The following DYNC1H1 variants were observed in gnomAD, a reference collection of about 807,000 sequenced individuals.
DYNC1H1 encodes dynein cytoplasmic 1 heavy chain 1.
Under a neutral mutation model 527.1 loss-of-function variants are expected in DYNC1H1, and 51 were observed. That is an observed-to-expected ratio of 0.10 (90% CI 0.08 to 0.12). The LOEUF is 0.12. Ranked by LOEUF, DYNC1H1 falls within the 10% of genes least tolerant of loss-of-function variation. DYNC1H1 has a pLI of 1.00. For synonymous variants in DYNC1H1, 2,189 were observed against 2,278.8 expected (o/e 0.96, Z 1.12); for missense variants, 2,771 against 5,971.8 (o/e 0.46, Z 17.66).
In DYNC1H1 at chr14:102,042,952, C is replaced by T. The variant is rs940029581; in HGVS notation, c.12513+204C>T. The T allele has an allele frequency of 2.4e-5, 15 of 634,848 alleles. No individual in the cohort carries two copies. The highest frequency in any genetic ancestry group is 4.2e-4 in the Middle Eastern group (1 of 2,386). 39.3% of individuals were successfully genotyped at this position (634,848 alleles called of 1,614,324 possible). A position where few individuals can be genotyped will look rare whatever the true frequency, so the allele number is the denominator to read the frequency against. ...TGGTAATCCTAGCACTTTGGAAGGT[C>T]GAGGTGGGAGGATCACTTGAGCCCA... is the stretch of plus-strand genomic sequence containing the variant. On this transcript the variant is annotated intron_variant, in intron 69 of 77. Transcript: ENST00000360184. This position sits in a 1 kb window ranked among gnomAD's most constrained non-coding sequence, Gnocchi z 5.7.
intron 74 of DYNC1H1, 148 bp downstream of exon 74, chr14:102,048,817 G>T: frequency 2.5e-6 from 1 of 400,196 alleles, no homozygotes; most frequent in Non-Finnish European, 4.6e-6. Flanking sequence ...CCTCAAGGTG[G>T]GCGGGGGGAG....
At position 102,042,379 on chromosome 14, in the gene DYNC1H1, T is replaced by C. The variant is rs1555412076; in HGVS notation, c.12276-5T>C. ...TGCTGTGTGACTCTCACTTTGTGTG[T>C]GCAGGTGGGTGATGCTGAAGAATGT... is the stretch of plus-strand genomic sequence containing the variant. On this transcript the variant is annotated splice_region_variant and splice_polypyrimidine_tract_variant and intron_variant, in intron 67 of 77. Transcript: ENST00000360184. The surrounding 1 kb of genome is among the most constrained non-coding windows in gnomAD (Gnocchi z 5.7). The C allele has an allele frequency of 6.2e-7, 1 of 1,614,178 alleles. No individual in the cohort carries two copies. The highest frequency in any genetic ancestry group is 8.5e-7 in the Non-Finnish European group (1 of 1,180,036).
chr14:101,977,619 C>T (rs1413716556), intron 2 of DYNC1H1, among the ~76,000 whole-genome samples: 2 of 152,174 alleles, frequency 1.3e-5, no homozygotes, highest in Admixed American at 6.5e-5. Context: ...TAATTTTCCC[C>T]TAATTCAGAG....
intron 1 of DYNC1H1, 62 bp from the exon 2 acceptor site, chr14:101,975,650 A>G: frequency 1.4e-6 from 2 of 1,435,924 alleles, no homozygotes; most frequent in Non-Finnish European, 2.0e-6. Flanking sequence ...TTGTCTAAGC[A>G]GTTGATAAAT....
At position 101,986,589 on chromosome 14, in the gene DYNC1H1, T is replaced by C. The variant is rs1385501057; in HGVS notation, c.2364T>C (p.Tyr788=). 5.6e-6 allele frequency: 9 copies of C among 1,613,640 alleles called. No individual in the cohort carries two copies. The South Asian group carries it at 6.6e-5, about 12-fold the overall frequency. Residue 788 remains tyrosine (Y), a synonymous_variant, in exon 8 of 78, where the codon TAT becomes TAC. Transcript: ENST00000360184. This position sits in a 1 kb window ranked among gnomAD's most constrained non-coding sequence, Gnocchi z 8.7. The part of the protein sequence containing the change: ...AISLIESVRT[Y]ERTCEKVEER... ...CACTGATCGAGAGCGTTCGTACCTA[T>C]GAACGGACCTGCGAGAAGGTGGAGG...
In DYNC1H1 at chr14:101,975,804, G is replaced by A; in HGVS notation, c.344+5G>A. 6.3e-7 allele frequency: 1 copy of A among 1,593,328 alleles called. No homozygotes were observed. The highest frequency in any genetic ancestry group is 8.6e-7 in the Non-Finnish European group (1 of 1,161,406). On this transcript the variant is annotated splice_donor_5th_base_variant and intron_variant, in intron 2 of 77. Coordinates refer to ENST00000360184, the MANE Select transcript of DYNC1H1 (RefSeq NM_001376.5). ...TTATGGGGTTAAATCCAATAGGTGA[G>A]TAGTACAAATATTACCATTATCTCA...
chr14:102,040,962 G>A, intron 64 of DYNC1H1: 1 of 506,510 alleles, frequency 2.0e-6, no homozygotes. Context: ...GTCTGTGAAT[G>A]AATGGTCACT....
Position 101,983,279 on chromosome 14 carries a change from G to A in DYNC1H1, c.1222G>A (p.Glu408Lys). The A allele has an allele frequency of 6.2e-7, 1 of 1,614,140 alleles. No homozygotes were observed. The highest frequency in any genetic ancestry group is 8.5e-7 in the Non-Finnish European group (1 of 1,180,032). Residue 408 changes from glutamate to lysine, a missense_variant, in exon 6 of 78, where the codon GAA becomes AAA. Physicochemically the swap from Glu to Lys is moderately conservative, Grantham distance 56 (BLOSUM62 1). This residue lies in a region of DYNC1H1 where 264 missense variants were observed against 619.4 expected (regional missense o/e 0.43). Coordinates refer to ENST00000360184, the MANE Select transcript of DYNC1H1 (RefSeq NM_001376.5). This position sits in a 1 kb window ranked among gnomAD's most constrained non-coding sequence, Gnocchi z 5.3. ...TRKLMHVAYE[E>K]FEKVMVACFE... ...GAAATTGATGCATGTTGCTTATGAA[G>A]AATTTGAAAAAGTAAGTTTGAATAT...
Position 101,995,264 on chromosome 14 carries a change from G to A in DYNC1H1, c.3528G>A (p.Leu1176=), listed in dbSNP as rs1389309414. ...CCTTCATCACCTATGTGCAGTCTTT[G>A]AAACGGAAGATCAAGCAGTTTGAGA... The part of the protein sequence containing the change: ...AVTFITYVQS[L]KRKIKQFEKQ... The change falls in exon 15 of 78, where the codon TTG becomes TTA. Residue 1176 remains leucine, a synonymous_variant. Transcript: ENST00000360184. 3.7e-6 allele frequency: 6 copies of A among 1,614,208 alleles called. No homozygotes were observed. The highest frequency in any genetic ancestry group is 5.1e-6 in the Non-Finnish European group (6 of 1,180,046).
chr14:101,984,332 T>A (rs1308835380), intron 7 of DYNC1H1, among the ~76,000 whole-genome samples: 2 of 151,238 alleles, frequency 1.3e-5, no homozygotes, highest in Non-Finnish European at 2.9e-5. Context: ...CTTAACTACT[T>A]CTTTCTGTTG....
rs893766699 is a variant in DYNC1H1, at chr14:102,001,122, C to A, written c.4186-23C>A. ...CCATTAGAAACGCACCTGCACAGAT[C>A]ACTTTGTTTACTTTCTCCACAGATA... is the stretch of plus-strand genomic sequence containing the variant. On this transcript the variant is annotated intron_variant, in intron 19 of 77. Transcript: ENST00000360184. This position sits in a 1 kb window ranked among gnomAD's most constrained non-coding sequence, Gnocchi z 5.0. 9.3e-6 allele frequency: 15 copies of A among 1,614,152 alleles called. No individual in the cohort carries two copies. Among genetic ancestry groups the A allele is most frequent in the Admixed American group, 1.7e-5 (1 of 60,014 alleles).
In DYNC1H1 at chr14:102,017,591, A is replaced by G. The variant is rs2048338023; in HGVS notation, c.8177+87A>G. 6.2e-7 allele frequency: 1 copy of G among 1,607,764 alleles called. No homozygotes were observed. Among genetic ancestry groups the G allele is most frequent in the South Asian group, 1.1e-5 (1 of 90,722 alleles). On this transcript the variant is annotated intron_variant, in intron 40 of 77. Transcript: ENST00000360184. The surrounding 1 kb of genome is among the most constrained non-coding windows in gnomAD (Gnocchi z 4.6). ...ACAGCGCCACAAAAACCTGGTTTTGATAATAAAGACAACAATACTGCTTAT... is the reference window on the plus strand; with the variant it reads ...ACAGCGCCACAAAAACCTGGTTTTGGTAATAAAGACAACAATACTGCTTAT...
chr14:101,973,790 C>CAAG (rs2047767592), intron 1 of DYNC1H1, among the ~76,000 whole-genome samples: 1 of 152,092 alleles, frequency 6.6e-6, no homozygotes, highest in Admixed American at 6.6e-5. Context: ...GGCGGCAGAG[C>CAAG]AAGACATTGT....
rs528972169 is a variant in DYNC1H1, at chr14:101,986,487, A to G, written c.2262A>G (p.Lys754=). The change falls in exon 8 of 78, where the codon AAA becomes AAG. Residue 754 remains lysine (K), a synonymous_variant. Transcript: ENST00000360184. This position sits in a 1 kb window ranked among gnomAD's most constrained non-coding sequence, Gnocchi z 8.7. Reference sequence around the variant, plus strand: ...TATCCAAAGAAGTCCGGAACCTCAAATGGCTTGGTTTCCGCGTCCCACTGG... The same window carrying G: ...TATCCAAAGAAGTCCGGAACCTCAAGTGGCTTGGTTTCCGCGTCCCACTGG... ...ITLSKEVRNL[K]WLGFRVPLAI... 5.0e-6 allele frequency: 8 copies of G among 1,614,012 alleles called. No individual in the cohort carries two copies. Among genetic ancestry groups the G allele is most frequent in the African/African-American group, 2.7e-5 (2 of 74,888 alleles).
chr14:102,020,040 C>T lies in DYNC1H1; in HGVS notation c.8491C>T (p.Arg2831Cys). 2 of 1,614,194 alleles carry T rather than the reference C, an allele frequency of 1.2e-6. No homozygotes were observed. Among genetic ancestry groups the T allele is most frequent in the Non-Finnish European group, 1.7e-6 (2 of 1,180,026 alleles). ...TCGGATTTGGGCACATGAAGCTCTG[C>T]GTCTCTTCCAAGATAGGTAAGGGAA... ...LIRIWAHEAL[R>C]LFQDRLVEDE... The change falls in exon 42 of 78, where the codon CGT (arginine) becomes TGT (cysteine). Residue 2831 changes from arginine (R) to cysteine (C), a missense_variant. By Grantham distance (180) the Arg-to-Cys change is radical. This residue lies in a region of DYNC1H1 where 163 missense variants were observed against 346.9 expected (regional missense o/e 0.47). Coordinates refer to ENST00000360184, the MANE Select transcript of DYNC1H1 (RefSeq NM_001376.5). This position sits in a 1 kb window ranked among gnomAD's most constrained non-coding sequence, Gnocchi z 4.3.
Position 102,034,480 on chromosome 14 carries a change from A to G in DYNC1H1, c.10754+28A>G, listed in dbSNP as rs1567019590. The G allele has an allele frequency of 2.5e-6, 4 of 1,612,282 alleles. No individual in the cohort carries two copies. In the Admixed American group the frequency reaches 5.0e-5, roughly 20 times the overall value. On this transcript the variant is annotated intron_variant, in intron 56 of 77. Transcript: ENST00000360184. ...ATGAGCTCGGGTGCCAAGGAGAGGC[A>G]TGGGAGGAATGTGGGTGGTGATCTT...
chr14:102,030,049 G>GGAGA, intron 50 of DYNC1H1, 111 bp downstream of exon 50: 3 of 1,553,854 alleles, frequency 1.9e-6, no homozygotes, highest in Non-Finnish European at 2.6e-6. Context: ...AGGGAGGGAG[G>GGAGA]GAGAGAGAGT....
chr14:102,052,909 C>G lies in DYNC1H1; in HGVS notation c.*2346C>G, dbSNP rs896707763. 6.6e-6 allele frequency: 1 copy of G among 152,150 alleles called. No homozygotes were observed. The highest frequency in any genetic ancestry group is 2.4e-5 in the African/African-American group (1 of 41,418). The allele number at this position is 152,150 out of a possible 1,614,324, so 9.4% of individuals were successfully genotyped here. Reference sequence around the variant, plus strand: ...CTGACTTCAGTGTGTAGGAAGCCACCTTACAGCTCATGTCACCCAGAGAAC... The same window carrying G: ...CTGACTTCAGTGTGTAGGAAGCCACGTTACAGCTCATGTCACCCAGAGAAC... On this transcript the variant is annotated 3_prime_UTR_variant, in exon 78 of 78. Transcript: ENST00000360184.
intron 1 of DYNC1H1, among the ~76,000 whole-genome samples, chr14:101,968,684 C>T (rs928670340): frequency 1.3e-5 from 2 of 151,816 alleles, no homozygotes; most frequent in African/African-American, 4.8e-5. Flanking sequence ...ATCTCAGCCT[C>T]CTGAGTAGCT....
Sources: gnomAD v4.1 joint callset for allele counts (sites outside exome capture counted in the v4.1 genomes callset) on GRCh38, gnomAD v4.1.1 for gene constraint, gnomAD v4.1.1 regional missense constraint, Gnocchi (gnomAD v3.1) non-coding constraint, MANE v1.5 for transcripts, NCBI Gene and HGNC (gene_info 2026-07-23, HGNC 2026-07-21) for gene names.